Variants in VTI1A observed in about 807,000 individuals in gnomAD.
VTI1A encodes vesicle transport through interaction with t-SNAREs 1A.
A neutral mutation model predicts 34.9 loss-of-function variants in VTI1A; 22 were observed. That is an observed-to-expected ratio of 0.63 (90% CI 0.45 to 0.90). The LOEUF is 0.90. Among genes scored for constraint, VTI1A ranks in the 40% least tolerant of loss-of-function variants. The probability of loss-of-function intolerance (pLI) is 0.00; values close to 1 mark genes in which losing one functional copy is unlikely to be tolerated. For synonymous variants in VTI1A, 87 were observed against 97.3 expected (o/e 0.89, Z 0.62); for missense variants, 268 against 275.6 (o/e 0.97, Z 0.20).
intron 7 of VTI1A, among the ~76,000 whole-genome samples, chr10:112,793,566 G>A (rs1852563683): frequency 6.6e-6 from 1 of 152,054 alleles, no homozygotes; most frequent in Non-Finnish European, 1.5e-5. Flanking sequence ...TCTCTCTTTT[G>A]TTTGTTTGTC....
intron 7 of VTI1A, among the ~76,000 whole-genome samples, chr10:112,669,280 C>T (rs1315189006): frequency 6.6e-6 from 1 of 152,050 alleles, no homozygotes; most frequent in African/African-American, 2.4e-5. Flanking sequence ...TGAGGAAGGC[C>T]CCATGGGCAG....
At chr10:112,750,007 T>C (rs1333417170) in intron 7 of VTI1A, among the ~76,000 whole-genome samples, 4 of 152,188 alleles carry the variant, frequency 2.6e-5, no homozygotes. Context: ...TTGATATATA[T>C]GTAGTAAAAG....
At chr10:112,581,693 G>C (rs955285862) in intron 5 of VTI1A, among the ~76,000 whole-genome samples, 4 of 152,118 alleles carry the variant, frequency 2.6e-5, no homozygotes, top group Admixed American at 6.5e-5. Context: ...ATAGATCAGC[G>C]ACAGCATTCC....
At chr10:112,455,185 T>G (rs1289265994) in intron 1 of VTI1A, among the ~76,000 whole-genome samples, 1 of 576 alleles carries the variant, frequency 1.7e-3, no homozygotes. Context: ...CCTCCCCTCC[T>G]CCCCTCACCT....
At chr10:112,606,274 T>C (rs1845080311) in intron 5 of VTI1A, among the ~76,000 whole-genome samples, 1 of 152,024 alleles carries the variant, frequency 6.6e-6, no homozygotes, top group Admixed American at 6.5e-5. Flanking sequence ...ATCCACCGAC[T>C]TCGGCCTCCC....
intron 7 of VTI1A, among the ~76,000 whole-genome samples, chr10:112,683,835 G>A (rs1031329722): frequency 2.6e-5 from 4 of 152,152 alleles, no homozygotes; most frequent in Admixed American, 2.6e-4. Flanking sequence ...CTGAGGTCAG[G>A]AGTTCGAGAC....
At chr10:112,774,791 CA>C (rs1851910460) in intron 7 of VTI1A, among the ~76,000 whole-genome samples, 1 of 152,158 alleles carries the variant, frequency 6.6e-6, no homozygotes, top group African/African-American at 2.4e-5. Flanking sequence ...ACACAATTAG[CA>C]GTCCCAGAAT....
intron 3 of VTI1A, among the ~76,000 whole-genome samples, chr10:112,501,235 T>C (rs1428894022): frequency 2.0e-5 from 3 of 152,174 alleles, no homozygotes; most frequent in Non-Finnish European, 2.9e-5. Context: ...ATTTGTTATC[T>C]TTTTTGGTTT....
intron 7 of VTI1A, among the ~76,000 whole-genome samples, chr10:112,690,427 A>G (rs1037255709): frequency 1.3e-5 from 2 of 152,186 alleles, no homozygotes; most frequent in African/African-American, 4.8e-5. Flanking sequence ...TAAAGCATCC[A>G]AACACTCAGA....
At chr10:112,682,143 C>T (rs1848237273) in intron 7 of VTI1A, among the ~76,000 whole-genome samples, 1 of 152,072 alleles carries the variant, frequency 6.6e-6, no homozygotes, top group Non-Finnish European at 1.5e-5. Flanking sequence ...TATTTATTCA[C>T]TGGGGTTTTT....
At chr10:112,695,653 T>C (rs1160705877) in intron 7 of VTI1A, among the ~76,000 whole-genome samples, 2 of 152,152 alleles carry the variant, frequency 1.3e-5, no homozygotes, top group African/African-American at 4.8e-5. Flanking sequence ...CCAGGAAAGG[T>C]ACAAAGCTCA....
At chr10:112,635,720 C>T (rs555243177) in intron 5 of VTI1A, among the ~76,000 whole-genome samples, 33 of 152,176 alleles carry the variant, frequency 2.2e-4, no homozygotes, top group South Asian at 4.2e-4. Flanking sequence ...TGAGAAAACC[C>T]GATGACTGGT....
At chr10:112,491,794 C>T (rs369435032) in intron 3 of VTI1A, among the ~76,000 whole-genome samples, 29 of 152,274 alleles carry the variant, frequency 1.9e-4, no homozygotes, top group African/African-American at 6.5e-4. Context: ...AACTACTGCA[C>T]CACATTATAC....
intron 3 of VTI1A, among the ~76,000 whole-genome samples, chr10:112,487,564 A>G (rs1316997272): frequency 3.3e-5 from 5 of 152,112 alleles, no homozygotes; most frequent in African/African-American, 9.7e-5. Context: ...AATTGTCTTT[A>G]TTTGCTTGCT....
At chr10:112,530,015 C>G (rs903619227) in intron 4 of VTI1A, among the ~76,000 whole-genome samples, 5 of 152,052 alleles carry the variant, frequency 3.3e-5, no homozygotes, top group Admixed American at 2.6e-4. Flanking sequence ...GGTACATAAA[C>G]ATTTCTGCCA....
At chr10:112,657,589 A>G (rs1304180890) in intron 5 of VTI1A, among the ~76,000 whole-genome samples, 1 of 152,176 alleles carries the variant, frequency 6.6e-6, no homozygotes, top group Admixed American at 6.5e-5. Flanking sequence ...TCACACATAT[A>G]TAATATACAA....
chr10:112,604,068 G>T (rs946786932), intron 5 of VTI1A, among the ~76,000 whole-genome samples: 2 of 152,120 alleles, frequency 1.3e-5, no homozygotes, highest in Non-Finnish European at 2.9e-5. Flanking sequence ...TGGTTTGAGG[G>T]TTAACACAGG....
the VTI1A span, among the ~76,000 whole-genome samples, chr10:112,849,747 TC>T: frequency 6.6e-6 from 1 of 152,244 alleles, no homozygotes. Context: ...CCGCAACTTT[TC>T]CCATCTGCTG....
rs1302228483 is a variant in VTI1A at position 112,817,808 on chromosome 10, T to A, written c.*2425T>A. The A allele has an allele frequency of 8.6e-6, 2 of 232,084 alleles. No homozygotes were observed. The highest frequency in any genetic ancestry group is 1.7e-5 in the Non-Finnish European group (2 of 117,204). The allele number at this position is 232,084 out of a possible 1,614,324, so 14.4% of individuals were successfully genotyped here. A position where few individuals can be genotyped will look rare whatever the true frequency, so the allele number is the denominator to read the frequency against. On this transcript the variant is annotated 3_prime_UTR_variant, in exon 8 of 8. Transcript: ENST00000393077. Reference sequence around the variant, plus strand: ...TTAGTGTGTAGACTTTGACGAATATTTCTCAAGTTGGGAGCCCTTGTTAAA... The same window carrying A: ...TTAGTGTGTAGACTTTGACGAATATATCTCAAGTTGGGAGCCCTTGTTAAA...
Sources: allele counts gnomAD v4.1 joint callset (sites outside exome capture counted in the v4.1 genomes callset), GRCh38; gene constraint gnomAD v4.1.1; transcripts MANE v1.5; gene names NCBI Gene and HGNC (gene_info 2026-07-23, HGNC 2026-07-21).